RARB: variants seen among roughly 807,000 people sequenced by gnomAD.
RARB encodes the protein retinoic acid receptor beta.
A neutral mutation model predicts 51.9 loss-of-function variants in RARB; 17 were observed. The ratio of observed to expected loss-of-function variants is 0.33; its 90% CI spans 0.22 to 0.49. RARB has a LOEUF of 0.49. Ranked by LOEUF, RARB falls within the 20% of genes least tolerant of loss-of-function variation. RARB has a pLI of 0.99. For synonymous variants in RARB, 215 were observed against 195.4 expected, an observed-to-expected ratio of 1.10 and a Z score of -0.84; for missense variants, 369 against 550.8, an observed-to-expected ratio of 0.67 and a Z score of 3.30.
intron 5 of RARB, among the ~76,000 whole-genome samples, chr3:25,262,161 CTG>C (rs1703014271): frequency 6.6e-6 from 1 of 152,150 alleles, no homozygotes; most frequent in Admixed American, 6.6e-5. Context: ...ATTTCTCAAA[CTG>C]TGTTCACTGG....
rs1701691949 is a variant in RARB at position 25,593,432 on chromosome 3, C to T, written c.787-71C>T. On this transcript the variant is annotated intron_variant, in intron 5 of 7. Transcript: ENST00000330688. ...TCCTTGGAAATCTTCATGTTATTTC[C>T]TGCTTACATCTGATTGATGATTTCA... is the stretch of plus-strand genomic sequence containing the variant. 3.6e-6 allele frequency: 5 copies of T among 1,403,828 alleles called. No individual in the cohort carries two copies. The African/African-American group carries it at 7.1e-5, about 20-fold the overall frequency. The allele number at this position is 1,403,828 out of a possible 1,614,324, so 87.0% of individuals were successfully genotyped here. A position where few individuals can be genotyped will look rare whatever the true frequency, so the allele number is the denominator to read the frequency against.
chr3:24,929,760 G>C (rs971430541), intron 2 of RARB, among the ~76,000 whole-genome samples: 4 of 152,126 alleles, frequency 2.6e-5, no homozygotes, highest in Non-Finnish European at 4.4e-5. Context: ...GAGATTCCCA[G>C]CTGTTGTCAA....
At chr3:25,524,426 A>G (rs371593055) in intron 3 of RARB, among the ~76,000 whole-genome samples, 1 of 152,214 alleles carries the variant, frequency 6.6e-6, no homozygotes, top group Admixed American at 6.5e-5. Context: ...TCCAACAGAC[A>G]TTAGGGTTAG....
At chr3:25,077,146 A>G (rs7429279) in intron 3 of RARB, among the ~76,000 whole-genome samples, 1 of 151,958 alleles carries the variant, frequency 6.6e-6, no homozygotes, top group African/African-American at 2.4e-5. Context: ...GGGCTCCTCA[A>G]ATAGCATGTT....
At chr3:25,562,457 C>A (rs1179816063) in intron 3 of RARB, among the ~76,000 whole-genome samples, 1 of 152,134 alleles carries the variant, frequency 6.6e-6, no homozygotes, top group Non-Finnish European at 1.5e-5. Flanking sequence ...ACACGTGTGC[C>A]TCTTTGGACA....
intron 1 of RARB, among the ~76,000 whole-genome samples, chr3:24,841,284 A>G (rs927347338): frequency 6.6e-6 from 1 of 152,260 alleles, no homozygotes; most frequent in African/African-American, 2.4e-5. Flanking sequence ...AAAGGAGTTT[A>G]CCTGCTATAG....
At chr3:25,449,196 G>A (rs73145492) in intron 1 of RARB, among the ~76,000 whole-genome samples, 2,906 of 152,038 alleles carry the variant, frequency 0.019, 99 homozygotes, top group African/African-American at 0.066. Context: ...TCAGCCACAC[G>A]CCGTTGGACT....
chr3:25,302,280 T>C (rs1704058649), intron 5 of RARB, among the ~76,000 whole-genome samples: 1 of 152,230 alleles, frequency 6.6e-6, no homozygotes. Context: ...TCCTAGGATA[T>C]ACTCAAAGGA....
At chr3:25,101,534 C>T (rs927941299) in intron 3 of RARB, among the ~76,000 whole-genome samples, 52 of 151,600 alleles carry the variant, frequency 3.4e-4, no homozygotes, top group Admixed American at 5.9e-4. Flanking sequence ...AGAAACTTTT[C>T]CATATCATTA....
intron 2 of RARB, among the ~76,000 whole-genome samples, chr3:24,862,244 T>C (rs1353496510): frequency 1.3e-5 from 2 of 152,232 alleles, no homozygotes; most frequent in Non-Finnish European, 2.9e-5. Context: ...CAAAGAATTA[T>C]GACTCATCAG....
chr3:25,358,950 T>G (rs765311081), intron 5 of RARB, among the ~76,000 whole-genome samples: 3 of 152,126 alleles, frequency 2.0e-5, no homozygotes, highest in Non-Finnish European at 1.5e-5. Context: ...CTTTTTTTTT[T>G]TTAATCTCTG....
At chr3:25,158,984 C>T (rs890967077) in intron 4 of RARB, among the ~76,000 whole-genome samples, 3 of 151,912 alleles carry the variant, frequency 2.0e-5, no homozygotes, top group Admixed American at 6.6e-5. Context: ...CCACGTTCTA[C>T]AGGCCAGAGC....
intron 3 of RARB, among the ~76,000 whole-genome samples, chr3:25,511,853 C>G (rs149026840): frequency 6.6e-6 from 1 of 152,154 alleles, no homozygotes; most frequent in Non-Finnish European, 1.5e-5. Context: ...AAGGTTTAGA[C>G]CTTTCCTGAT....
rs59781693 is a variant in RARB at position 25,407,349 on chromosome 3, T to C, written c.179-53844T>C. On this transcript the variant is annotated intron_variant, in intron 5 of 11. Coordinates refer to the RARB transcript ENST00000383772. ...CATTATGCACTGGGATTTGGGACAA[T>C]GTAACTAAAATTCAGTTTCATCATC... is the stretch of plus-strand genomic sequence containing the variant. 6.0e-3 allele frequency among the ~76,000 whole-genome samples: 915 copies of C among 152,312 alleles called. 8 individuals carry two copies. The highest frequency in any genetic ancestry group is 0.021 in the African/African-American group (862 of 41,558).
chr3:25,188,227 T>G (rs1472462293), intron 5 of RARB, among the ~76,000 whole-genome samples: 1 of 152,122 alleles, frequency 6.6e-6, no homozygotes, highest in South Asian at 2.1e-4. Context: ...TTATCTTTAT[T>G]CAGGGACCAT....
intron 2 of RARB, among the ~76,000 whole-genome samples, chr3:24,945,309 G>T (rs1056314668): frequency 6.6e-6 from 1 of 152,168 alleles, no homozygotes; most frequent in African/African-American, 2.4e-5. Flanking sequence ...AAAAGGATCT[G>T]TACACCCTTT....
In RARB at chr3:25,378,467, A is replaced by G. The variant is rs182942198; in HGVS notation, c.179-82726A>G. Among the ~76,000 whole-genome samples, 34 of 152,294 alleles carry G rather than the reference A, an allele frequency of 2.2e-4. No individual in the cohort carries two copies. The East Asian group carries it at 4.8e-3, about 22-fold the overall frequency. ...TACCCCTACAATGTATCATTAATGG[A>G]CATTTGCTTTCAACAACAACAAAAA... On this transcript the variant is annotated intron_variant, in intron 5 of 11. Coordinates refer to the RARB transcript ENST00000383772.
intron 5 of RARB, among the ~76,000 whole-genome samples, chr3:25,182,070 T>C (rs543981890): frequency 2.6e-5 from 4 of 152,346 alleles, no homozygotes; most frequent in Admixed American, 2.6e-4. Context: ...TTCTTTGGAA[T>C]TACATGTAGG....
intron 2 of RARB, among the ~76,000 whole-genome samples, chr3:25,488,733 C>T (rs1696587843): frequency 1.3e-5 from 2 of 152,202 alleles, no homozygotes; most frequent in Admixed American, 6.5e-5. Context: ...TACAGCTTTT[C>T]ACTCAAGATA....
Sources: gnomAD v4.1 joint callset for allele counts (sites outside exome capture counted in the v4.1 genomes callset) on GRCh38, gnomAD v4.1.1 for gene constraint, MANE v1.5 for transcripts, NCBI Gene and HGNC (gene_info 2026-07-23, HGNC 2026-07-21) for gene names.